The following CNTNAP5 variants were observed in gnomAD, a reference collection of about 807,000 sequenced individuals.
CNTNAP5 encodes contactin associated protein family member 5.
CNTNAP5 carries 72 observed loss-of-function variants against 150.2 expected under a neutral mutation model. That is an observed-to-expected ratio of 0.48 (90% CI 0.40 to 0.58). CNTNAP5 has a LOEUF of 0.58. Among genes scored for constraint, CNTNAP5 ranks in the 20% least tolerant of loss-of-function variants. CNTNAP5 has a pLI of 0.00. For missense variants in CNTNAP5, 1,636 were observed against 1,626.2 expected (o/e 1.01, Z -0.10); for synonymous variants, 672 against 619.8 (o/e 1.08, Z -1.25).
intron 7 of CNTNAP5, among the ~76,000 whole-genome samples, chr2:124,499,436 C>A (rs1022748900): frequency 1.2e-4 from 18 of 152,276 alleles, no homozygotes; most frequent in African/African-American, 4.3e-4. Flanking sequence ...CTTGCTGGGC[C>A]CTGCAGGGCA....
intron 19 of CNTNAP5, among the ~76,000 whole-genome samples, chr2:124,860,050 A>C (rs1396540415): frequency 6.6e-6 from 1 of 151,890 alleles, no homozygotes; most frequent in Non-Finnish European, 1.5e-5. Flanking sequence ...CTAGAACTTA[A>C]AGTATAAAAA....
intron 12 of CNTNAP5, among the ~76,000 whole-genome samples, chr2:124,634,245 C>T (rs978767112): frequency 2.0e-5 from 3 of 152,126 alleles, no homozygotes; most frequent in African/African-American, 7.2e-5. Flanking sequence ...AGTTTCAGGT[C>T]ATTTCTTTGC....
chr2:124,832,096 A>G (rs1682728293), intron 19 of CNTNAP5, among the ~76,000 whole-genome samples: 1 of 152,100 alleles, frequency 6.6e-6, no homozygotes, highest in Non-Finnish European at 1.5e-5. Flanking sequence ...ATGACATTCT[A>G]AAACCTGCCA....
At chr2:124,433,440 G>A (rs1692441918) in intron 4 of CNTNAP5, among the ~76,000 whole-genome samples, 2 of 152,080 alleles carry the variant, frequency 1.3e-5, no homozygotes, top group African/African-American at 4.8e-5. Flanking sequence ...TTCACAAAGA[G>A]TGTTTCTAGA....
chr2:124,156,290 T>C (rs148011868), intron 1 of CNTNAP5, among the ~76,000 whole-genome samples: 365 of 152,300 alleles, frequency 2.4e-3, no homozygotes, highest in African/African-American at 8.2e-3. Context: ...GCAGTCAATG[T>C]TCCTCCAGCT....
Position 124,217,517 on chromosome 2 carries a change from A to G in CNTNAP5, c.83-4188A>G, listed in dbSNP as rs529704283. Among the ~76,000 whole-genome samples, 3 of 152,270 alleles carry G rather than the reference A, an allele frequency of 2.0e-5. No individual in the cohort carries two copies. The South Asian group carries it at 6.2e-4, about 32-fold the overall frequency. On this transcript the variant is annotated intron_variant, in intron 1 of 23. Coordinates refer to ENST00000682447, the MANE Select transcript of CNTNAP5 (RefSeq NM_001367498.1). ...GGGTAGTACTGACCCAGTCTCCACA[A>G]TGCTGCAGACCTGCAGAGGAGAGAA...
At chr2:124,545,462 C>A (rs1695490716) in intron 10 of CNTNAP5, among the ~76,000 whole-genome samples, 1 of 152,070 alleles carries the variant, frequency 6.6e-6, no homozygotes, top group Non-Finnish European at 1.5e-5. Flanking sequence ...ACCTAAGAAG[C>A]TAACCTAAAG....
chr2:124,345,304 G>T (rs1689711633), intron 3 of CNTNAP5, among the ~76,000 whole-genome samples: 1 of 152,164 alleles, frequency 6.6e-6, no homozygotes, highest in South Asian at 2.1e-4. Flanking sequence ...TCACCTCTGT[G>T]ATGGGCTAGG....
chr2:124,644,968 G>A (rs942209512), intron 12 of CNTNAP5, among the ~76,000 whole-genome samples: 1 of 152,112 alleles, frequency 6.6e-6, no homozygotes, highest in Admixed American at 6.5e-5. Context: ...GATAATATAT[G>A]CTAAATGTGC....
intron 13 of CNTNAP5, among the ~76,000 whole-genome samples, chr2:124,669,319 A>G (rs1170193694): frequency 6.6e-6 from 1 of 152,218 alleles, no homozygotes; most frequent in African/African-American, 2.4e-5. Flanking sequence ...ATACTAGGAG[A>G]TCATTTCTTG....
At chr2:124,686,134 G>A (rs1679189015) in intron 13 of CNTNAP5, among the ~76,000 whole-genome samples, 1 of 152,050 alleles carries the variant, frequency 6.6e-6, no homozygotes, top group Admixed American at 6.6e-5. Context: ...TAGTGTCTGG[G>A]GTGAGTGGGA....
chr2:124,903,159 C>T (rs942339063), intron 22 of CNTNAP5, 59 bp downstream of exon 22: 14 of 1,104,222 alleles, frequency 1.3e-5, no homozygotes, highest in Non-Finnish European at 1.7e-5. Context: ...TTTGTGTCTT[C>T]AAGAAGCTTC....
chr2:124,772,717 C>T (rs780649408), intron 16 of CNTNAP5, 82 bp from the exon 17 acceptor site: 27 of 1,008,902 alleles, frequency 2.7e-5, no homozygotes, highest in African/African-American at 4.7e-5. Flanking sequence ...TACTGACTTA[C>T]AATCGTTTCT....
At chr2:124,274,913 T>G (rs1355345491) in intron 3 of CNTNAP5, among the ~76,000 whole-genome samples, 1 of 152,086 alleles carries the variant, frequency 6.6e-6, no homozygotes, top group Non-Finnish European at 1.5e-5. Context: ...CCCATTTTCA[T>G]GCTACTGATA....
At chr2:124,629,773 GT>G (rs771169353) in intron 12 of CNTNAP5, among the ~76,000 whole-genome samples, 11,406 of 130,882 alleles carry the variant, frequency 0.087, 579 homozygotes, top group African/African-American at 0.15. Flanking sequence ...TCCAGGAGCT[GT>G]TTTTTTTTTT....
chr2:124,542,077 T>G (rs1695400144), intron 10 of CNTNAP5, among the ~76,000 whole-genome samples: 1 of 152,056 alleles, frequency 6.6e-6, no homozygotes, highest in East Asian at 1.9e-4. Flanking sequence ...GCATACGTTA[T>G]TGCAACTGTA....
chr2:124,717,740 G>A (rs1281746958), intron 13 of CNTNAP5, among the ~76,000 whole-genome samples: 2 of 152,146 alleles, frequency 1.3e-5, no homozygotes, highest in Non-Finnish European at 1.5e-5. Flanking sequence ...TGGCCTGAAC[G>A]ATGTTTGAAA....
At chr2:124,400,215 G>T (rs920599519) in intron 3 of CNTNAP5, among the ~76,000 whole-genome samples, 1 of 151,888 alleles carries the variant, frequency 6.6e-6, no homozygotes, top group African/African-American at 2.4e-5. Flanking sequence ...AGAAGACTCT[G>T]CTCTCATGAA....
At chr2:124,311,921 C>A (rs964913258) in intron 3 of CNTNAP5, among the ~76,000 whole-genome samples, 20 of 152,156 alleles carry the variant, frequency 1.3e-4, no homozygotes, top group Admixed American at 6.5e-5. Flanking sequence ...CAAACTGGCT[C>A]ATGGTACTGC....
Sources: allele counts gnomAD v4.1 joint callset (sites outside exome capture counted in the v4.1 genomes callset), GRCh38; gene constraint gnomAD v4.1.1; transcripts MANE v1.5; gene names NCBI Gene and HGNC (gene_info 2026-07-23, HGNC 2026-07-21).